MAPT: variants seen among roughly 807,000 people sequenced by gnomAD.
MAPT encodes the protein microtubule associated protein tau, also known as microtubule-associated protein tau.
MAPT carries 34 observed loss-of-function variants against 67.9 expected under a neutral mutation model. The ratio of observed to expected loss-of-function variants is 0.50; its 90% CI spans 0.38 to 0.67. MAPT has a LOEUF of 0.67. Ranked by LOEUF, MAPT falls within the 30% of genes least tolerant of loss-of-function variation. The pLI, the probability that MAPT is intolerant of heterozygous loss-of-function variation, is 0.00. For synonymous variants in MAPT, 456 were observed against 464.5 expected, an observed-to-expected ratio of 0.98 and a Z score of 0.23; for missense variants, 881 against 1,115.2, an observed-to-expected ratio of 0.79 and a Z score of 2.99.
intron 3 of MAPT, 174 bp from the exon 4 acceptor site, chr17:45,978,201 C>A: frequency 1.5e-6 from 1 of 665,178 alleles, no homozygotes; most frequent in Non-Finnish European, 2.7e-6. Flanking sequence ...TTATCACCAG[C>A]ATCCTCAGCA....
intron 9 of MAPT, among the ~76,000 whole-genome samples, chr17:46,004,759 GA>G (rs949908116): frequency 1.6e-4 from 24 of 151,940 alleles, no homozygotes; most frequent in African/African-American, 5.1e-4. Context: ...AAGCCACATG[GA>G]AAAAAAATTT....
chr17:45,902,361 C>T (rs747783771), intron 1 of MAPT, among the ~76,000 whole-genome samples: 2 of 151,980 alleles, frequency 1.3e-5, no homozygotes, highest in African/African-American at 2.4e-5. Context: ...TGAGCCACCG[C>T]GCCCGGCCAG....
At chr17:45,937,022 C>T (rs1271602505) in intron 1 of MAPT, among the ~76,000 whole-genome samples, 2 of 152,176 alleles carry the variant, frequency 1.3e-5, no homozygotes, top group Non-Finnish European at 2.9e-5. Context: ...CTCCCCGTCC[C>T]ACGCCTACTC....
Position 45,996,504 on chromosome 17 carries a change from G to A in MAPT, c.1838G>A (p.Arg613Gln), listed in dbSNP as rs779901466. 7.9e-6 allele frequency: 11 copies of A among 1,385,232 alleles called. No homozygotes were observed. The highest frequency in any genetic ancestry group is 8.8e-6 in the Non-Finnish European group (9 of 1,018,848). The allele number at this position is 1,385,232 out of a possible 1,614,324, so 85.8% of individuals were successfully genotyped here. A position where few individuals can be genotyped will look rare whatever the true frequency, so the allele number is the denominator to read the frequency against. The change falls in exon 9 of 13, where the codon CGG (arginine) becomes CAG (glutamine). Residue 613 changes from arginine to glutamine, a missense_variant. Physicochemically the swap from Arg to Gln is conservative, Grantham distance 43. Coordinates refer to ENST00000262410, the MANE Select transcript of MAPT (RefSeq NM_001377265.1). This position sits in a 1 kb window ranked among gnomAD's most constrained non-coding sequence, Gnocchi z 4.5. Reference sequence around the variant, plus strand: ...CCGTCCCTTCCAACCCCACCCACCCGGGAGCCCAAGAAGGTGGCAGTGGTC... The same window carrying A: ...CCGTCCCTTCCAACCCCACCCACCCAGGAGCCCAAGAAGGTGGCAGTGGTC... ...RTPSLPTPPT[R>Q]EPKKVAVVRT... is the part of the protein sequence containing the mutation.
intron 2 of MAPT, among the ~76,000 whole-genome samples, chr17:45,970,637 A>T (rs568804711): frequency 6.6e-6 from 1 of 152,362 alleles, no homozygotes; most frequent in East Asian, 1.9e-4. Flanking sequence ...AGGAGGAGGC[A>T]GGTAGAGTTG....
At chr17:46,001,050 G>A (rs2074957847) in intron 9 of MAPT, among the ~76,000 whole-genome samples, 1 of 152,142 alleles carries the variant, frequency 6.6e-6, no homozygotes, top group Admixed American at 6.6e-5. Context: ...GCAACATAGG[G>A]AGACCCTGTC....
At chr17:45,972,080 C>T (rs867898720) in intron 3 of MAPT, 135 bp downstream of exon 3, 19 of 737,812 alleles carry the variant, frequency 2.6e-5, no homozygotes, top group Middle Eastern at 2.2e-4. Flanking sequence ...TGCAGGACAG[C>T]GTGGTGGGAG....
At chr17:45,940,559 G>A (rs1260908454) in intron 1 of MAPT, among the ~76,000 whole-genome samples, 1 of 152,152 alleles carries the variant, frequency 6.6e-6, no homozygotes, top group African/African-American at 2.4e-5. Flanking sequence ...TCGAGTCTGT[G>A]GCCCATCCAG....
chr17:45,988,177 T>C (rs1005289460), intron 6 of MAPT, among the ~76,000 whole-genome samples: 2 of 152,096 alleles, frequency 1.3e-5, no homozygotes, highest in Non-Finnish European at 2.9e-5. Flanking sequence ...GTCCCTCCTC[T>C]CCCATTGCTA....
At chr17:45,993,892 T>C in intron 8 of MAPT, 1 of 1,554,156 alleles carries the variant, frequency 6.4e-7, no homozygotes, top group Non-Finnish European at 8.7e-7. Context: ...AGCCTGATGA[T>C]AATAAGGCTT....
At chr17:46,000,456 T>C (rs2145887282) in intron 9 of MAPT, among the ~76,000 whole-genome samples, 2 of 151,974 alleles carry the variant, frequency 1.3e-5, no homozygotes, top group South Asian at 4.2e-4. Flanking sequence ...GAGGAGGAGC[T>C]GGGTGGGGTG....
chr17:45,909,484 C>G (rs898919161), intron 1 of MAPT, among the ~76,000 whole-genome samples: 3 of 152,172 alleles, frequency 2.0e-5, no homozygotes, highest in Admixed American at 6.5e-5. Context: ...CCTATAATCC[C>G]AGCACTTTGG....
chr17:45,987,236 G>A, intron 6 of MAPT, 141 bp downstream of exon 6: 1 of 823,744 alleles, frequency 1.2e-6, no homozygotes, highest in Non-Finnish European at 2.0e-6. Flanking sequence ...TTTGTATTTT[G>A]GGGCAGGCTT....
intron 1 of MAPT, among the ~76,000 whole-genome samples, chr17:45,938,487 T>A (rs2067560472): frequency 6.6e-6 from 1 of 152,196 alleles, no homozygotes; most frequent in Admixed American, 6.5e-5. Context: ...TCTGGGATGA[T>A]CTCTCTATTT....
At chr17:45,972,673 G>T (rs2071841289) in intron 3 of MAPT, 1 of 157,006 alleles carries the variant, frequency 6.4e-6, no homozygotes, top group African/African-American at 2.4e-5. Flanking sequence ...TTTATTTTCT[G>T]TCATCTTTAG....
intron 1 of MAPT, among the ~76,000 whole-genome samples, chr17:45,904,346 A>ATTATATATATTATATATATTAAATATATT (rs1568136348): frequency 1.6e-4 from 13 of 78,852 alleles, no homozygotes; most frequent in South Asian, 1.1e-3. Flanking sequence ...TTATATATAT[A>ATTATATATATTATATATATTAAATATATT]TTATATATAT....
Position 45,896,042 on chromosome 17 carries a change from C to T in MAPT, c.-18+1356C>T, listed in dbSNP as rs113347741. 21,823 of 152,338 alleles carry T rather than the reference C, an allele frequency of 0.14. 2,130 individuals carry two copies. The highest frequency in any genetic ancestry group is 0.22 in the Middle Eastern group (64 of 294). 9.4% of individuals were successfully genotyped at this position (152,338 alleles called of 1,614,324 possible). On this transcript the variant is annotated intron_variant, in intron 1 of 12. Coordinates refer to ENST00000262410, the MANE Select transcript of MAPT (RefSeq NM_001377265.1). The surrounding 1 kb of genome is among the most constrained non-coding windows in gnomAD (Gnocchi z 5.6). ...TTCTGGCTTTTATTCTGAGGGTGTT[C>T]AGTCAACCTCCCCCCTACGCCCATG...
intron 1 of MAPT, among the ~76,000 whole-genome samples, chr17:45,912,159 G>A (rs1447393230): frequency 6.6e-6 from 1 of 152,210 alleles, no homozygotes; most frequent in African/African-American, 2.4e-5. Flanking sequence ...GTGGTCCCAG[G>A]TAGGGCTGTC....
intron 9 of MAPT, among the ~76,000 whole-genome samples, chr17:46,003,308 T>G (rs2075162215): frequency 6.6e-6 from 1 of 152,052 alleles, no homozygotes; most frequent in Non-Finnish European, 1.5e-5. Context: ...AGACAGAGTC[T>G]CACTCTGTCA....
Sources: gnomAD v4.1 joint callset for allele counts (sites outside exome capture counted in the v4.1 genomes callset) on GRCh38, gnomAD v4.1.1 for gene constraint, Gnocchi (gnomAD v3.1) non-coding constraint, MANE v1.5 for transcripts, NCBI Gene and HGNC (gene_info 2026-07-23, HGNC 2026-07-21) for gene names.